PTPRO: variants seen among roughly 807,000 people sequenced by gnomAD.
PTPRO encodes receptor-type tyrosine-protein phosphatase O.
PTPRO carries 62 observed loss-of-function variants against 145.2 expected under a neutral mutation model. That is an observed-to-expected ratio of 0.43 (90% CI 0.35 to 0.53). The LOEUF (loss-of-function observed/expected upper bound fraction) is 0.53, where lower values mean the gene tolerates loss of function less well. Among genes scored for constraint, PTPRO ranks in the 20% least tolerant of loss-of-function variants. PTPRO has a pLI of 0.01. For missense variants in PTPRO, 1,345 were observed against 1,482.7 expected (o/e 0.91, Z 1.53); for synonymous variants, 565 against 514.7 (o/e 1.10, Z -1.32).
intron 1 of PTPRO, among the ~76,000 whole-genome samples, chr12:15,378,064 T>C (rs1938740674): frequency 6.6e-6 from 1 of 151,974 alleles, no homozygotes; most frequent in African/African-American, 2.4e-5. Flanking sequence ...AACAATAGCC[T>C]AATCTTCCAC....
chr12:15,460,171 G>C (rs1199624990), intron 1 of PTPRO, among the ~76,000 whole-genome samples: 1 of 152,162 alleles, frequency 6.6e-6, no homozygotes, highest in Non-Finnish European at 1.5e-5. Flanking sequence ...AGATGGCTCA[G>C]GATCTTGCTG....
chr12:15,417,711 T>A (rs1366002308), intron 1 of PTPRO, among the ~76,000 whole-genome samples: 4 of 151,782 alleles, frequency 2.6e-5, no homozygotes. Flanking sequence ...AGAAAAGAAC[T>A]GACGGCACGG....
At chr12:15,361,353 C>T (rs1360323127) in intron 1 of PTPRO, among the ~76,000 whole-genome samples, 2 of 148,208 alleles carry the variant, frequency 1.3e-5, no homozygotes, top group Admixed American at 6.8e-5. Context: ...ACAGGAGAAT[C>T]GCTTGAACCT....
chr12:15,495,002 G>A (rs749408491), intron 2 of PTPRO, among the ~76,000 whole-genome samples: 15 of 152,042 alleles, frequency 9.9e-5, no homozygotes, highest in Non-Finnish European at 2.2e-4. Context: ...AGAACTTGAA[G>A]CAGTTCAAAA....
intron 1 of PTPRO, among the ~76,000 whole-genome samples, chr12:15,372,000 A>G (rs1211306591): frequency 6.6e-6 from 1 of 152,204 alleles, no homozygotes; most frequent in Non-Finnish European, 1.5e-5. Context: ...TAAATTGCCC[A>G]GTCTCAGGCA....
intron 1 of PTPRO, among the ~76,000 whole-genome samples, chr12:15,467,295 C>A (rs897991422): frequency 2.0e-5 from 3 of 152,032 alleles, no homozygotes; most frequent in African/African-American, 7.2e-5. Flanking sequence ...CACTTGGATG[C>A]CCACAGTCAT....
intron 12 of PTPRO, among the ~76,000 whole-genome samples, chr12:15,530,097 G>A (rs536873020): frequency 2.6e-5 from 4 of 152,170 alleles, no homozygotes; most frequent in African/African-American, 9.6e-5. Context: ...TAGATAAAAT[G>A]GACCACAAAT....
intron 11 of PTPRO, among the ~76,000 whole-genome samples, chr12:15,525,757 G>A (rs1333587565): frequency 6.6e-6 from 1 of 152,188 alleles, no homozygotes; most frequent in African/African-American, 2.4e-5. Flanking sequence ...TGGCTGTTAG[G>A]TAGGAAGCCA....
intron 1 of PTPRO, among the ~76,000 whole-genome samples, chr12:15,445,456 T>G (rs1295646752): frequency 6.6e-6 from 1 of 152,148 alleles, no homozygotes; most frequent in Non-Finnish European, 1.5e-5. Context: ...ACAATGTAAG[T>G]GCACAGGAAA....
chr12:15,497,140 T>C (rs1942123145), intron 2 of PTPRO, 105 bp from the exon 3 acceptor site: 1 of 1,040,276 alleles, frequency 9.6e-7, no homozygotes, highest in Non-Finnish European at 1.5e-6. Flanking sequence ...GTGAAAATTA[T>C]GCGTGAATTT....
intron 1 of PTPRO, chr12:15,346,697 G>A (rs1473040674): frequency 1.3e-5 from 2 of 152,198 alleles, no homozygotes. Flanking sequence ...GAAAGAATAA[G>A]ATTAGTTCTG....
At chr12:15,434,807 G>A (rs966747501) in intron 1 of PTPRO, among the ~76,000 whole-genome samples, 2 of 152,162 alleles carry the variant, frequency 1.3e-5, no homozygotes, top group Non-Finnish European at 2.9e-5. Context: ...ATGAATCACT[G>A]ATTATCACAA....
At position 15,322,807 on chromosome 12, in the gene PTPRO, G is replaced by C; in HGVS notation, c.75+6G>C. ...GGCTCTTTGTGCTGTTCAAGGTAGG[G>C]GAGCTCCTCCACCCCTTTTTCCCAG... On this transcript the variant is annotated splice_donor_region_variant and intron_variant, in intron 1 of 26. Coordinates refer to ENST00000281171, the MANE Select transcript of PTPRO (RefSeq NM_030667.3). The surrounding 1 kb of genome is among the most constrained non-coding windows in gnomAD (Gnocchi z 6.3). 6.2e-7 allele frequency: 1 copy of C among 1,611,350 alleles called. No individual in the cohort carries two copies. The highest frequency in any genetic ancestry group is 2.2e-5 in the East Asian group (1 of 44,774).
chr12:15,352,202 T>C (rs1201372920), intron 1 of PTPRO, among the ~76,000 whole-genome samples: 2 of 152,238 alleles, frequency 1.3e-5, no homozygotes, highest in Non-Finnish European at 2.9e-5. Flanking sequence ...TGCATTACAC[T>C]TGACCAGCCA....
intron 12 of PTPRO, among the ~76,000 whole-genome samples, chr12:15,527,455 G>A (rs374468043): frequency 8.5e-5 from 13 of 152,192 alleles, no homozygotes; most frequent in East Asian, 5.8e-4. Context: ...CTTGAGGATA[G>A]GCAGAAACAA....
At chr12:15,385,811 C>CAAAAAAAAAA (rs761750012) in intron 1 of PTPRO, among the ~76,000 whole-genome samples, 4 of 37,104 alleles carry the variant, frequency 1.1e-4, no homozygotes, top group African/African-American at 1.8e-4. Context: ...GACTCCATCT[C>CAAAAAAAAAA]AAAAAAAAAA....
intron 15 of PTPRO, among the ~76,000 whole-genome samples, chr12:15,557,113 T>C (rs1266244978): frequency 6.6e-6 from 1 of 151,760 alleles, no homozygotes; most frequent in Non-Finnish European, 1.5e-5. Context: ...CGATCTCTGC[T>C]CACCACAACC....
intron 1 of PTPRO, among the ~76,000 whole-genome samples, chr12:15,428,728 G>T (rs894938194): frequency 6.6e-6 from 1 of 152,042 alleles, no homozygotes; most frequent in Non-Finnish European, 1.5e-5. Flanking sequence ...AGCCTGGAAT[G>T]GTGCTCCTTG....
chr12:15,404,055 G>C (rs1939576979), intron 1 of PTPRO, among the ~76,000 whole-genome samples: 1 of 151,812 alleles, frequency 6.6e-6, no homozygotes. Flanking sequence ...AAATAGCCGG[G>C]CGTGGTGGCG....
Sources: allele counts gnomAD v4.1 joint callset (sites outside exome capture counted in the v4.1 genomes callset), GRCh38; gene constraint gnomAD v4.1.1; non-coding constraint Gnocchi (gnomAD v3.1); transcripts MANE v1.5; gene names NCBI Gene and HGNC (gene_info 2026-07-23, HGNC 2026-07-21).